The following VWA8 variants were observed in gnomAD, a reference collection of about 807,000 sequenced individuals.
The protein encoded by VWA8 is von Willebrand factor A domain-containing protein 8.
In VWA8, 221 loss-of-function variants were observed where a neutral mutation model predicts 241.5. That is an observed-to-expected ratio of 0.91 (90% CI 0.82 to 1.02). The LOEUF is 1.02. Among genes scored for constraint, VWA8 ranks in the 50% least tolerant of loss-of-function variants. VWA8 has a pLI of 0.00. For synonymous variants in VWA8, 852 were observed against 827.1 expected (o/e 1.03, Z -0.52); for missense variants, 2,322 against 2,328.7 (o/e 1.00, Z 0.06).
intron 12 of VWA8, among the ~76,000 whole-genome samples, chr13:41,850,913 A>G (rs1353184525): frequency 6.6e-6 from 1 of 152,236 alleles, no homozygotes; most frequent in Non-Finnish European, 1.5e-5. Flanking sequence ...TTAAAGGAAC[A>G]GTGAGCTAAA....
intron 21 of VWA8, among the ~76,000 whole-genome samples, chr13:41,740,018 C>A (rs1365311501): frequency 6.6e-6 from 1 of 151,800 alleles, no homozygotes; most frequent in Non-Finnish European, 1.5e-5. Flanking sequence ...CCATGCCCGG[C>A]TAATTTTTTG....
chr13:41,646,376 C>T (rs905905056), intron 37 of VWA8, among the ~76,000 whole-genome samples: 4 of 152,042 alleles, frequency 2.6e-5, no homozygotes, highest in South Asian at 2.1e-4. Context: ...GACCACGTGC[C>T]GGTGCCCTGA....
intron 9 of VWA8, among the ~76,000 whole-genome samples, chr13:41,874,783 T>C (rs1317516912): frequency 1.3e-5 from 2 of 152,142 alleles, no homozygotes; most frequent in Admixed American, 6.5e-5. Flanking sequence ...CTGCATACCA[T>C]GTTGCCTGAA....
At chr13:41,811,445 C>T (rs934422963) in intron 16 of VWA8, 105 bp from the exon 17 acceptor site, 6 of 750,440 alleles carry the variant, frequency 8.0e-6, no homozygotes, top group Non-Finnish European at 1.2e-5. Context: ...GGGGTAAGGC[C>T]AAACTTAAAG....
intron 26 of VWA8, among the ~76,000 whole-genome samples, chr13:41,708,865 A>G (rs56129820): frequency 0.057 from 8,614 of 152,190 alleles, 288 homozygotes; most frequent in East Asian, 0.12. Context: ...TGCTCCACAC[A>G]TCTCTGGCTC....
intron 13 of VWA8, among the ~76,000 whole-genome samples, chr13:41,832,946 C>CA (rs34224397): frequency 0.045 from 6,662 of 147,490 alleles, 278 homozygotes; most frequent in African/African-American, 0.11. Flanking sequence ...TTCTCTCTCT[C>CA]AAAAAAAAAA....
chr13:41,698,612 C>G (rs1012320798), intron 29 of VWA8, among the ~76,000 whole-genome samples: 1 of 152,126 alleles, frequency 6.6e-6, no homozygotes, highest in African/African-American at 2.4e-5. Flanking sequence ...GATAAAATGT[C>G]GTCTCCTAAA....
intron 21 of VWA8, among the ~76,000 whole-genome samples, chr13:41,747,371 G>C (rs887109387): frequency 1.3e-5 from 2 of 152,162 alleles, no homozygotes; most frequent in African/African-American, 2.4e-5. Context: ...CTGTGAATGG[G>C]AGTTCTCTCA....
intron 2 of VWA8, among the ~76,000 whole-genome samples, chr13:41,947,939 AAAAAAAAAAAAAAACAAAAC>A (rs1280676926): frequency 6.8e-6 from 1 of 146,900 alleles, no homozygotes; most frequent in Non-Finnish European, 1.5e-5. Flanking sequence ...CTCAAAAAAA[AAAAAAAAAAAAAAACAAAAC>A]AAAACATTTT....
Position 41,816,749 on chromosome 13 carries a change from C to G in VWA8, c.1896G>C (p.Leu632=). The change falls in exon 16 of 45, where the codon CTG becomes CTC. Residue 632 remains leucine, a synonymous_variant. Coordinates refer to ENST00000379310, the MANE Select transcript of VWA8 (RefSeq NM_015058.2). ...TGTGTGTAAATGATAATAACTTATC[C>G]AGAGCTTCCTGAGGTACATTTGGGA... ...EKVPNVPQEA[L]DKLLSFTHKL... 6.2e-7 allele frequency: 1 copy of G among 1,613,502 alleles called. No individual in the cohort carries two copies. Among genetic ancestry groups the G allele is most frequent in the Non-Finnish European group, 8.5e-7 (1 of 1,179,706 alleles).
chr13:41,690,499 G>A (rs2045169017), intron 32 of VWA8, among the ~76,000 whole-genome samples: 1 of 152,034 alleles, frequency 6.6e-6, no homozygotes, highest in African/African-American at 2.4e-5. Flanking sequence ...AAAATCCAAT[G>A]CTTCCTATAA....
At chr13:41,644,845 A>G (rs1282628788) in intron 37 of VWA8, among the ~76,000 whole-genome samples, 3 of 152,240 alleles carry the variant, frequency 2.0e-5, no homozygotes, top group Non-Finnish European at 4.4e-5. Context: ...AACCAGAAAT[A>G]TGCTGTAGGA....
intron 4 of VWA8, among the ~76,000 whole-genome samples, chr13:41,894,257 T>C (rs1189864824): frequency 6.6e-6 from 1 of 152,232 alleles, no homozygotes; most frequent in East Asian, 1.9e-4. Context: ...TGTGGTCTGC[T>C]ATGCATTGAA....
Position 41,732,175 on chromosome 13 carries a change from T to G in VWA8, c.2427-20A>C, listed in dbSNP as rs2045490015. ...GTATCCCTAAAGTAAAACCAACACA[T>G]TTTATAGTTAGGAAGGAAATAAGCT... On this transcript the variant is annotated intron_variant, in intron 21 of 44. Transcript: ENST00000379310. 1 of 1,600,388 alleles carries G rather than the reference T, an allele frequency of 6.2e-7. No homozygotes were observed.
intron 37 of VWA8, among the ~76,000 whole-genome samples, chr13:41,658,667 T>G (rs2044926595): frequency 6.6e-6 from 1 of 152,216 alleles, no homozygotes; most frequent in Non-Finnish European, 1.5e-5. Context: ...CACCTGGTCA[T>G]TACCTCAGCC....
chr13:41,674,953 A>T lies in VWA8; in HGVS notation c.4409+262T>A, dbSNP rs564813814. ...ATTCAGATACAGAAAAACTTATTAG[A>T]ACAGATCAAACAAAAGAGAACAAAG... On this transcript the variant is annotated intron_variant, in intron 36 of 44. Transcript: ENST00000379310. Among the ~76,000 whole-genome samples, 4 of 152,340 alleles carry T rather than the reference A, an allele frequency of 2.6e-5. No individual in the cohort carries two copies. The South Asian group carries it at 8.3e-4, about 32-fold the overall frequency.
At chr13:41,907,889 C>T (rs1436161925) in intron 3 of VWA8, among the ~76,000 whole-genome samples, 193 bp from the exon 4 acceptor site, 1 of 152,150 alleles carries the variant, frequency 6.6e-6, no homozygotes. Flanking sequence ...CTATATATCT[C>T]CTCAGAGCTC....
chr13:41,635,703 A>G (rs34498355), intron 37 of VWA8, among the ~76,000 whole-genome samples: 1 of 152,182 alleles, frequency 6.6e-6, no homozygotes, highest in Non-Finnish European at 1.5e-5. Flanking sequence ...AGGGGTCAGC[A>G]CAATATGGTA....
intron 21 of VWA8, among the ~76,000 whole-genome samples, chr13:41,754,141 C>T (rs542795502): frequency 2.0e-5 from 3 of 151,838 alleles, no homozygotes; most frequent in South Asian, 2.1e-4. Flanking sequence ...TTGTAGGTAC[C>T]GATACTGTTT....
Sources: gnomAD v4.1 joint callset for allele counts (sites outside exome capture counted in the v4.1 genomes callset) on GRCh38, gnomAD v4.1.1 for gene constraint, MANE v1.5 for transcripts, NCBI Gene and HGNC (gene_info 2026-07-23, HGNC 2026-07-21) for gene names.